Variants in CAMKMT observed in about 807,000 individuals in gnomAD.
CAMKMT encodes CaM KMT.
In CAMKMT, 53 loss-of-function variants were observed where a neutral mutation model predicts 48.0. The ratio of observed to expected loss-of-function variants is 1.10; its 90% CI spans 0.89 to 1.39. The LOEUF is 1.39. Among genes scored for constraint, CAMKMT ranks in the 40% most tolerant of loss-of-function variants. CAMKMT has a pLI of 0.00. For synonymous variants in CAMKMT, 165 were observed against 152.3 expected (o/e 1.08, Z -0.61); for missense variants, 428 against 402.7 (o/e 1.06, Z -0.54).
intron 3 of CAMKMT, among the ~76,000 whole-genome samples, chr2:44,606,815 C>CA (rs1157770719): frequency 2.0e-5 from 3 of 151,384 alleles, no homozygotes; most frequent in South Asian, 2.1e-4. Context: ...GTGACCCCCC[C>CA]CCCACCAAGA....
chr2:44,496,116 T>C (rs957048703), intron 3 of CAMKMT, among the ~76,000 whole-genome samples: 6 of 152,238 alleles, frequency 3.9e-5, no homozygotes, highest in Non-Finnish European at 8.8e-5. Flanking sequence ...TTCAGATTTC[T>C]ATTGTAAAAG....
intron 3 of CAMKMT, among the ~76,000 whole-genome samples, chr2:44,463,170 G>A (rs1268001227): frequency 6.6e-6 from 1 of 152,142 alleles, no homozygotes; most frequent in Non-Finnish European, 1.5e-5. Context: ...GTTCCAGTTT[G>A]GATTTGCATA....
intron 3 of CAMKMT, among the ~76,000 whole-genome samples, chr2:44,678,363 A>G (rs7424218): frequency 6.6e-6 from 1 of 152,158 alleles, no homozygotes; most frequent in Non-Finnish European, 1.5e-5. Flanking sequence ...TCTAAATGTG[A>G]CTGTGTATTC....
At chr2:44,460,186 C>T (rs1474058227) in intron 3 of CAMKMT, among the ~76,000 whole-genome samples, 1 of 152,150 alleles carries the variant, frequency 6.6e-6, no homozygotes, top group Non-Finnish European at 1.5e-5. Flanking sequence ...ATTTTCCCAC[C>T]TTATAGTTAA....
chr2:44,446,281 G>C (rs1231215567), intron 3 of CAMKMT, among the ~76,000 whole-genome samples: 1 of 151,878 alleles, frequency 6.6e-6, no homozygotes, highest in South Asian at 2.1e-4. Context: ...TATGTGTCAG[G>C]TTCAGTTGCG....
intron 3 of CAMKMT, among the ~76,000 whole-genome samples, chr2:44,624,248 A>G (rs1672351712): frequency 6.6e-6 from 1 of 152,184 alleles, no homozygotes; most frequent in Non-Finnish European, 1.5e-5. Context: ...TTGTGAATAT[A>G]AATTTTCATT....
chr2:44,522,838 T>C (rs1304272436), intron 3 of CAMKMT, among the ~76,000 whole-genome samples: 1 of 152,188 alleles, frequency 6.6e-6, no homozygotes, highest in Non-Finnish European at 1.5e-5. Context: ...CTCTGACATT[T>C]TATTATGGGG....
At chr2:44,546,154 G>GACACACACACAC (rs4039614) in intron 3 of CAMKMT, among the ~76,000 whole-genome samples, 1,903 of 129,116 alleles carry the variant, frequency 0.015, 44 homozygotes, top group African/African-American at 0.031. Context: ...AGACTGCTAG[G>GACACACACACAC]ACACACACAC....
rs1218862668 is a variant in CAMKMT at position 44,616,186 on chromosome 2, G to C, written c.377-88097G>C. On this transcript the variant is annotated intron_variant, in intron 3 of 10. Coordinates refer to ENST00000378494, the MANE Select transcript of CAMKMT (RefSeq NM_024766.5). ...TGAACTGTGCAGCAGCCCCCTGCCG[G>C]TGCCCTGCTTTCATTCTTGTGCTCT... 1.2e-4 allele frequency among the ~76,000 whole-genome samples: 18 copies of C among 152,154 alleles called. No individual in the cohort carries two copies. The East Asian group carries it at 3.5e-3, about 29-fold the overall frequency.
At chr2:44,403,850 A>G (rs1682599578) in intron 3 of CAMKMT, among the ~76,000 whole-genome samples, 1 of 152,208 alleles carries the variant, frequency 6.6e-6, no homozygotes, top group Admixed American at 6.5e-5. Context: ...TCCAGTTTAC[A>G]TGTATTGAGA....
chr2:44,672,791 A>G (rs577282), intron 3 of CAMKMT, among the ~76,000 whole-genome samples: 14,273 of 152,228 alleles, frequency 0.094, 834 homozygotes, highest in South Asian at 0.18. Flanking sequence ...TGTAAGATGT[A>G]CAAGTACCTT....
intron 3 of CAMKMT, among the ~76,000 whole-genome samples, chr2:44,464,692 G>GA (rs1013911045): frequency 7.3e-5 from 11 of 151,616 alleles, no homozygotes; most frequent in African/African-American, 1.5e-4. Context: ...AGTGCTGAAA[G>GA]AAAAAAAACT....
At chr2:44,662,329 G>T (rs1674726351) in intron 3 of CAMKMT, among the ~76,000 whole-genome samples, 1 of 152,204 alleles carries the variant, frequency 6.6e-6, no homozygotes, top group Non-Finnish European at 1.5e-5. Flanking sequence ...ACGACTATAA[G>T]AGGAGAGTGG....
At chr2:44,585,447 C>T (rs533193183) in intron 3 of CAMKMT, among the ~76,000 whole-genome samples, 21 of 152,160 alleles carry the variant, frequency 1.4e-4, no homozygotes, top group Non-Finnish European at 2.8e-4. Context: ...TAGGAAGTGG[C>T]CTGCTTCTCT....
At position 44,653,055 on chromosome 2, in the gene CAMKMT, C is replaced by G. The variant is rs1674177829; in HGVS notation, c.377-51228C>G. 6.6e-6 allele frequency among the ~76,000 whole-genome samples: 1 copy of G among 152,278 alleles called. No homozygotes were observed. The highest frequency in any genetic ancestry group is 2.4e-5 in the African/African-American group (1 of 41,556). Reference sequence around the variant, plus strand: ...CCCTTTAAGCTTATTCTGTGCACATCCTGGTCAAATCTGGTCACTTGGCAT... The same window carrying G: ...CCCTTTAAGCTTATTCTGTGCACATGCTGGTCAAATCTGGTCACTTGGCAT... On this transcript the variant is annotated intron_variant, in intron 3 of 10. Coordinates refer to ENST00000378494, the MANE Select transcript of CAMKMT (RefSeq NM_024766.5). The surrounding 1 kb of genome is among the most constrained non-coding windows in gnomAD (Gnocchi z 5.2).
intron 3 of CAMKMT, 70 bp downstream of exon 3, chr2:44,390,375 C>G: frequency 1.8e-6 from 2 of 1,102,592 alleles, no homozygotes; most frequent in Admixed American, 4.2e-5. Flanking sequence ...TTGATGTTTT[C>G]TTCTCACTAA....
chr2:44,538,666 C>A (rs1034239947), intron 3 of CAMKMT, among the ~76,000 whole-genome samples: 1 of 151,914 alleles, frequency 6.6e-6, no homozygotes, highest in Non-Finnish European at 1.5e-5. Flanking sequence ...GCATATTGGC[C>A]ACAATATATA....
chr2:44,624,471 TC>T (rs1299919533), intron 3 of CAMKMT, among the ~76,000 whole-genome samples: 1 of 152,024 alleles, frequency 6.6e-6, no homozygotes, highest in East Asian at 1.9e-4. Flanking sequence ...ATGCTGTCCC[TC>T]CCCTGTGCCC....
intron 3 of CAMKMT, among the ~76,000 whole-genome samples, chr2:44,523,734 G>A (rs1245164464): frequency 4.0e-5 from 6 of 149,260 alleles, no homozygotes; most frequent in African/African-American, 1.5e-4. Flanking sequence ...TTGCATGATT[G>A]TGCTGGGTTC....
Sources: allele counts gnomAD v4.1 joint callset (sites outside exome capture counted in the v4.1 genomes callset), GRCh38; gene constraint gnomAD v4.1.1; non-coding constraint Gnocchi (gnomAD v3.1); transcripts MANE v1.5; gene names NCBI Gene and HGNC (gene_info 2026-07-23, HGNC 2026-07-21).